RARB: variants seen among roughly 807,000 people sequenced by gnomAD.
RARB encodes the protein retinoic acid receptor beta, also known as HBV-activated protein.
In RARB, 17 loss-of-function variants were observed where a neutral mutation model predicts 51.9. The ratio of observed to expected loss-of-function variants is 0.33; its 90% CI spans 0.22 to 0.49. The LOEUF (loss-of-function observed/expected upper bound fraction) is 0.49. Ranked by LOEUF, RARB falls within the 20% of genes least tolerant of loss-of-function variation. The pLI, the probability that RARB is intolerant of heterozygous loss-of-function variation, is 0.99. For missense variants in RARB, 369 were observed against 550.8 expected (o/e 0.67, Z 3.30); for synonymous variants, 215 against 195.4 (o/e 1.10, Z -0.84).
intron 2 of RARB, among the ~76,000 whole-genome samples, chr3:25,499,939 A>G (rs1697213259): frequency 6.6e-6 from 1 of 152,252 alleles, no homozygotes; most frequent in Admixed American, 6.5e-5. Context: ...TGTGTAATTT[A>G]CCAATTTTCT....
At chr3:25,479,905 G>A (rs534285492) in intron 2 of RARB, among the ~76,000 whole-genome samples, 4 of 152,246 alleles carry the variant, frequency 2.6e-5, no homozygotes, top group South Asian at 2.1e-4. Flanking sequence ...GTGCAATAAC[G>A]AGGAAGCTGG....
intron 5 of RARB, among the ~76,000 whole-genome samples, chr3:25,193,494 T>C (rs1575209063): frequency 6.6e-6 from 1 of 152,110 alleles, no homozygotes; most frequent in East Asian, 1.9e-4. Flanking sequence ...ATTGTGCTTT[T>C]TATTGTTTTA....
intron 1 of RARB, among the ~76,000 whole-genome samples, chr3:24,852,911 T>C (rs4608654): frequency 0.013 from 1,980 of 152,222 alleles, 35 homozygotes; most frequent in African/African-American, 0.042. Flanking sequence ...TGTTCTAAAA[T>C]TTGTGGTGAC....
intron 5 of RARB, among the ~76,000 whole-genome samples, chr3:25,210,385 GCAGCCTA>G (rs1204810476): frequency 1.3e-5 from 2 of 151,990 alleles, no homozygotes; most frequent in Non-Finnish European, 2.9e-5. Context: ...CATTGTGTAT[GCAGCCTA>G]CTTGAGTGAA....
At chr3:25,216,753 C>T (rs898364252) in intron 5 of RARB, among the ~76,000 whole-genome samples, 1 of 150,158 alleles carries the variant, frequency 6.7e-6, no homozygotes, top group Non-Finnish European at 1.5e-5. Context: ...ATATCTAGTA[C>T]ATATATATAT....
intron 4 of RARB, among the ~76,000 whole-genome samples, chr3:25,148,312 A>C (rs1350540283): frequency 6.6e-6 from 1 of 152,236 alleles, no homozygotes; most frequent in Non-Finnish European, 1.5e-5. Context: ...GATGGCAGAC[A>C]TTTTTAAAGA....
intron 2 of RARB, among the ~76,000 whole-genome samples, chr3:24,951,640 C>T (rs1433347024): frequency 6.6e-6 from 1 of 152,156 alleles, no homozygotes; most frequent in African/African-American, 2.4e-5. Context: ...GGTACACTCA[C>T]TCTAGAACAC....
intron 1 of RARB, among the ~76,000 whole-genome samples, chr3:25,448,499 C>T (rs1007217248): frequency 2.0e-5 from 3 of 152,150 alleles, no homozygotes; most frequent in Non-Finnish European, 4.4e-5. Flanking sequence ...CAGAGTTTCA[C>T]TCTTGTTGCC....
At chr3:24,920,998 A>C (rs1049431448) in intron 2 of RARB, among the ~76,000 whole-genome samples, 1 of 152,122 alleles carries the variant, frequency 6.6e-6, no homozygotes, top group African/African-American at 2.4e-5. Flanking sequence ...TATTATAGTC[A>C]TGTCTTTAGG....
At chr3:25,207,727 G>A (rs2125375710) in intron 5 of RARB, among the ~76,000 whole-genome samples, 1 of 152,174 alleles carries the variant, frequency 6.6e-6, no homozygotes, top group East Asian at 1.9e-4. Flanking sequence ...GCAGTATTAA[G>A]GTGCTCAGTA....
chr3:24,955,699 G>T (rs1445671785), intron 2 of RARB, among the ~76,000 whole-genome samples: 1 of 152,054 alleles, frequency 6.6e-6, no homozygotes, highest in Non-Finnish European at 1.5e-5. Flanking sequence ...TTTTTAGGGG[G>T]TGGAAGGGAG....
intron 5 of RARB, among the ~76,000 whole-genome samples, chr3:25,197,195 T>G (rs1030149226): frequency 6.6e-6 from 1 of 152,188 alleles, no homozygotes; most frequent in Non-Finnish European, 1.5e-5. Flanking sequence ...GTTATTATGT[T>G]AAGGTCTAAC....
chr3:24,990,128 T>C (rs1327793278), intron 2 of RARB, among the ~76,000 whole-genome samples: 3 of 101,418 alleles, frequency 3.0e-5, no homozygotes, highest in East Asian at 3.1e-4. Context: ...AACTTTTCTT[T>C]TTTTTTTTTG....
At chr3:25,056,467 T>C (rs1465393071) in intron 2 of RARB, among the ~76,000 whole-genome samples, 1 of 152,158 alleles carries the variant, frequency 6.6e-6, no homozygotes, top group Admixed American at 6.6e-5. Context: ...TGTGCATAAA[T>C]ATTGTTTGGA....
intron 5 of RARB, among the ~76,000 whole-genome samples, chr3:25,586,072 G>A (rs1701372371): frequency 6.6e-6 from 1 of 152,046 alleles, no homozygotes; most frequent in Admixed American, 6.6e-5. Flanking sequence ...AACTCACAAG[G>A]GCGCCTCTCT....
intron 2 of RARB, among the ~76,000 whole-genome samples, chr3:25,497,680 C>A (rs533955933): frequency 6.6e-6 from 1 of 152,136 alleles, no homozygotes; most frequent in Non-Finnish European, 1.5e-5. Flanking sequence ...GCAGCCCAGG[C>A]GTTCAACTCC....
chr3:25,152,703 A>G lies in RARB; in HGVS notation c.-280+20495A>G, dbSNP rs553632306. On this transcript the variant is annotated intron_variant, in intron 4 of 11. Transcript: ENST00000383772. ...ACTGTTTAATATTTTTAAAGGCTCTACATATTAGACTCTACATAGTTCCTA... is the reference window on the plus strand; with the variant it reads ...ACTGTTTAATATTTTTAAAGGCTCTGCATATTAGACTCTACATAGTTCCTA... Among the ~76,000 whole-genome samples, 3 of 152,338 alleles carry G rather than the reference A, an allele frequency of 2.0e-5. No homozygotes were observed. In the South Asian group the frequency reaches 6.2e-4, roughly 32 times the overall value.
At position 25,010,733 on chromosome 3, in the gene RARB, G is replaced by A. The variant is rs554288296; in HGVS notation, c.-379-49392G>A. Among the ~76,000 whole-genome samples, 10 of 152,224 alleles carry A rather than the reference G, an allele frequency of 6.6e-5. 1 individual carries two copies. Among genetic ancestry groups the A allele is most frequent in the Admixed American group, 5.2e-4 (8 of 15,266 alleles). On this transcript the variant is annotated intron_variant, in intron 2 of 11. Coordinates refer to the RARB transcript ENST00000383772. ...AGGAAGGTTTTGTGATTTGCTCAGA[G>A]TCAAATCCTTCCAGCACTAACTCCT...
chr3:25,015,405 T>C (rs1697486677), intron 2 of RARB, among the ~76,000 whole-genome samples: 1 of 152,024 alleles, frequency 6.6e-6, no homozygotes, highest in South Asian at 2.1e-4. Flanking sequence ...GAATATTATC[T>C]TTATAATTTG....
Sources: allele counts gnomAD v4.1 joint callset (sites outside exome capture counted in the v4.1 genomes callset), GRCh38; gene constraint gnomAD v4.1.1; transcripts MANE v1.5; gene names NCBI Gene and HGNC (gene_info 2026-07-23, HGNC 2026-07-21).